The following VEPH1 variants were observed in gnomAD, a reference collection of about 807,000 sequenced individuals.
VEPH1 encodes the protein ventricular zone expressed PH domain containing 1.
VEPH1 carries 80 observed loss-of-function variants against 85.2 expected under a neutral mutation model. That is an observed-to-expected ratio of 0.94 (90% CI 0.78 to 1.13). The LOEUF (loss-of-function observed/expected upper bound fraction) is 1.13. Among genes scored for constraint, VEPH1 ranks in the 50% most tolerant of loss-of-function variants. The pLI is 0.00. For synonymous variants in VEPH1, 297 were observed against 348.0 expected (o/e 0.85, Z 1.63); for missense variants, 955 against 980.5 (o/e 0.97, Z 0.35).
intron 4 of VEPH1, among the ~76,000 whole-genome samples, chr3:157,449,532 T>C (rs1378108462): frequency 6.6e-6 from 1 of 152,210 alleles, no homozygotes; most frequent in East Asian, 1.9e-4. Flanking sequence ...TATTTACCTA[T>C]CTTACACTAG....
At chr3:157,481,841 T>G (rs560854481) in intron 2 of VEPH1, among the ~76,000 whole-genome samples, 1 of 152,374 alleles carries the variant, frequency 6.6e-6, no homozygotes, top group Admixed American at 6.5e-5. Context: ...ATTTATTGAA[T>G]AGGGTATCCT....
intron 4 of VEPH1, among the ~76,000 whole-genome samples, chr3:157,453,867 A>G (rs1735163199): frequency 6.6e-6 from 1 of 152,194 alleles, no homozygotes; most frequent in Non-Finnish European, 1.5e-5. Flanking sequence ...AACCTTTTAC[A>G]GGTCAAATTA....
chr3:157,412,326 G>T lies in VEPH1; in HGVS notation c.906+1555C>A, dbSNP rs574804823. On this transcript the variant is annotated intron_variant, in intron 6 of 13. Coordinates refer to ENST00000362010, the MANE Select transcript of VEPH1 (RefSeq NM_001167912.2). ...ATTGCATATGGTTATACTGCATGTG[G>T]CTACTGTTTTTTGTTTTTCACAGAT... 2.0e-5 allele frequency among the ~76,000 whole-genome samples: 3 copies of T among 152,238 alleles called. No individual in the cohort carries two copies. The South Asian group carries it at 6.2e-4, about 32-fold the overall frequency.
chr3:157,484,209 T>C (rs917860713), intron 2 of VEPH1, among the ~76,000 whole-genome samples: 26 of 152,288 alleles, frequency 1.7e-4, no homozygotes, highest in South Asian at 1.2e-3. Flanking sequence ...TTCAGGTAAT[T>C]ATTCAAAATT....
At chr3:157,331,195 C>T (rs956438635) in intron 9 of VEPH1, among the ~76,000 whole-genome samples, 24 of 152,184 alleles carry the variant, frequency 1.6e-4, no homozygotes, top group African/African-American at 5.8e-4. Flanking sequence ...ACAGGCTTTC[C>T]ACCACATGAG....
In VEPH1 at chr3:157,326,346, G is replaced by C. The variant is rs142616057; in HGVS notation, c.1736-9145C>G. Among the ~76,000 whole-genome samples, 306 of 152,274 alleles carry C rather than the reference G, an allele frequency of 2.0e-3. 1 individual carries two copies. Among genetic ancestry groups the C allele is most frequent in the African/African-American group, 7.1e-3 (295 of 41,568 alleles). On this transcript the variant is annotated intron_variant, in intron 9 of 13. Transcript: ENST00000362010. ...CCACCTATCTGGCTGTCGAGTGATG[G>C]TGGGAATGGTGATAGAGTAGATATT... is the stretch of plus-strand genomic sequence containing the variant.
chr3:157,416,799 A>C (rs1218035542), intron 5 of VEPH1, among the ~76,000 whole-genome samples: 2 of 152,216 alleles, frequency 1.3e-5, no homozygotes, highest in East Asian at 3.9e-4. Flanking sequence ...GAAATAAAGA[A>C]AGAGAGAAAG....
chr3:157,459,700 T>C, intron 4 of VEPH1: 1 of 1,399,670 alleles, frequency 7.1e-7, no homozygotes. Flanking sequence ...TGGCTTTTTA[T>C]GCTAGTATTT....
At chr3:157,422,086 C>T (rs1210480514) in intron 5 of VEPH1, among the ~76,000 whole-genome samples, 11 of 152,158 alleles carry the variant, frequency 7.2e-5, no homozygotes, top group Admixed American at 7.2e-4. Flanking sequence ...AGCCTTGATT[C>T]TTTAGTGTGT....
chr3:157,318,655 T>A (rs151250638), intron 9 of VEPH1, among the ~76,000 whole-genome samples: 19 of 67,408 alleles, frequency 2.8e-4, no homozygotes, highest in Middle Eastern at 7.7e-3. Context: ...AAAGAAAGAA[T>A]GAAAGAAAAG....
At chr3:157,422,563 T>C (rs1057305315) in intron 5 of VEPH1, among the ~76,000 whole-genome samples, 2 of 152,194 alleles carry the variant, frequency 1.3e-5, no homozygotes, top group African/African-American at 4.8e-5. Context: ...AGCTGCCCAG[T>C]TATTTCCCCA....
intron 2 of VEPH1, among the ~76,000 whole-genome samples, chr3:157,492,833 A>C (rs1488208923): frequency 6.6e-6 from 1 of 152,178 alleles, no homozygotes; most frequent in Non-Finnish European, 1.5e-5. Flanking sequence ...AGAAGATTAG[A>C]GGTGGCCCAC....
chr3:157,264,288 G>C (rs1371793132), intron 13 of VEPH1, among the ~76,000 whole-genome samples: 2 of 152,180 alleles, frequency 1.3e-5, no homozygotes, highest in African/African-American at 2.4e-5. Context: ...CTTTGGCCTT[G>C]GACTGGGAGT....
rs1438316066 is a variant in VEPH1 at position 157,283,088 on chromosome 3, T to G, written c.2128+3469A>C. Among the ~76,000 whole-genome samples, 3 of 152,204 alleles carry G rather than the reference T, an allele frequency of 2.0e-5. No individual in the cohort carries two copies. In the East Asian group the frequency reaches 5.8e-4, roughly 29 times the overall value. On this transcript the variant is annotated intron_variant, in intron 12 of 13. Transcript: ENST00000362010. ...AGTCTCTGTTCTTCTTTAAGTAGAGTAAGTCATCGAGGAAGTAGATCACTT... is the reference window on the plus strand; with the variant it reads ...AGTCTCTGTTCTTCTTTAAGTAGAGGAAGTCATCGAGGAAGTAGATCACTT...
At chr3:157,360,651 T>C (rs1488242513) in intron 9 of VEPH1, among the ~76,000 whole-genome samples, 1 of 152,122 alleles carries the variant, frequency 6.6e-6, no homozygotes, top group Non-Finnish European at 1.5e-5. Flanking sequence ...CTACCTTAAA[T>C]GTGCTCAGAA....
chr3:157,398,353 C>T (rs1045433526), intron 6 of VEPH1, among the ~76,000 whole-genome samples: 3 of 152,076 alleles, frequency 2.0e-5, no homozygotes, highest in Admixed American at 6.6e-5. Flanking sequence ...AAGGAGTTGT[C>T]GACCAGGAGC....
At chr3:157,400,978 TAA>T (rs1022576490) in intron 6 of VEPH1, among the ~76,000 whole-genome samples, 21 of 152,162 alleles carry the variant, frequency 1.4e-4, no homozygotes, top group African/African-American at 5.1e-4. Flanking sequence ...TCCCCTCATG[TAA>T]ATGACCTCTC....
chr3:157,371,252 T>C (rs558041855), intron 7 of VEPH1, among the ~76,000 whole-genome samples: 2 of 152,282 alleles, frequency 1.3e-5, no homozygotes, highest in Admixed American at 6.5e-5. Flanking sequence ...GATATAGAAA[T>C]GGCCAATTAA....
intron 2 of VEPH1, chr3:157,493,243 T>C (rs1359499710): frequency 2.2e-6 from 1 of 456,366 alleles, no homozygotes; most frequent in South Asian, 1.6e-5. Context: ...CAATCTTCTG[T>C]GCTGGAAGTT....
Sources: gnomAD v4.1 joint callset for allele counts (sites outside exome capture counted in the v4.1 genomes callset) on GRCh38, gnomAD v4.1.1 for gene constraint, MANE v1.5 for transcripts, NCBI Gene and HGNC (gene_info 2026-07-23, HGNC 2026-07-21) for gene names.